The following GLP2R variants were observed in gnomAD, a reference collection of about 807,000 sequenced individuals.
GLP2R encodes glucagon like peptide 2 receptor, also known as glucagon-like peptide 2 receptor.
A neutral mutation model predicts 68.2 loss-of-function variants in GLP2R; 59 were observed. The ratio of observed to expected loss-of-function variants is 0.87; its 90% CI spans 0.70 to 1.07. GLP2R has a LOEUF of 1.07. Among genes scored for constraint, GLP2R ranks in the 50% least tolerant of loss-of-function variants. The pLI, the probability that GLP2R is intolerant of heterozygous loss-of-function variation, is 0.00. For missense variants in GLP2R, 548 were observed against 677.4 expected, an observed-to-expected ratio of 0.81 and a Z score of 2.12; for synonymous variants, 270 against 265.4, an observed-to-expected ratio of 1.02 and a Z score of -0.17.
At position 9,842,548 on chromosome 17, in the gene GLP2R, A is replaced by C; in HGVS notation, c.436A>C (p.Ile146Leu). ...CTTGGCTCAGGGGACTTGGCAGACG[A>C]TAGAGAACGCCACGGATATTTGGCA... ...HCLAQGTWQT[I>L]ENATDIWQDD... The change falls in exon 4 of 13, where the codon ATA (isoleucine) becomes CTA (leucine). Residue 146 changes from isoleucine to leucine, a missense_variant. By Grantham distance (5) the Ile-to-Leu change is conservative. Coordinates refer to ENST00000262441, the MANE Select transcript of GLP2R (RefSeq NM_004246.3). The C allele has an allele frequency of 6.2e-7, 1 of 1,614,044 alleles. No individual in the cohort carries two copies. The highest frequency in any genetic ancestry group is 8.5e-7 in the Non-Finnish European group (1 of 1,179,966).
chr17:9,868,917 G>C (rs116510367), intron 9 of GLP2R, among the ~76,000 whole-genome samples: 1 of 152,226 alleles, frequency 6.6e-6, no homozygotes, highest in East Asian at 1.9e-4. Flanking sequence ...AGGACACAAC[G>C]TTTTCTCTTT....
At chr17:9,856,620 C>T (rs1179534583) in intron 5 of GLP2R, among the ~76,000 whole-genome samples, 4 of 152,130 alleles carry the variant, frequency 2.6e-5, no homozygotes, top group Non-Finnish European at 2.9e-5. Context: ...CACAGATTAA[C>T]GGATTTAATC....
chr17:9,831,668 G>T (rs944709382), intron 1 of GLP2R, among the ~76,000 whole-genome samples: 15 of 152,200 alleles, frequency 9.9e-5, no homozygotes, highest in African/African-American at 3.6e-4. Context: ...GGATGGCTGA[G>T]ATGCTAAATC....
intron 9 of GLP2R, among the ~76,000 whole-genome samples, chr17:9,863,651 G>C (rs182921542): frequency 6.6e-6 from 1 of 152,122 alleles, no homozygotes; most frequent in Non-Finnish European, 1.5e-5. Flanking sequence ...CTGGTGATCT[G>C]TTCCTCATCT....
At chr17:9,831,851 G>A (rs2066682950) in intron 1 of GLP2R, among the ~76,000 whole-genome samples, 2 of 152,158 alleles carry the variant, frequency 1.3e-5, no homozygotes, top group South Asian at 4.1e-4. Flanking sequence ...GGGGTCGATG[G>A]AACCTGGACA....
intron 1 of GLP2R, among the ~76,000 whole-genome samples, chr17:9,827,334 T>C (rs943880072): frequency 6.6e-6 from 1 of 152,226 alleles, no homozygotes; most frequent in East Asian, 1.9e-4. Context: ...TCATATTTTC[T>C]CCTTCTGTGT....
chr17:9,875,053 T>C (rs1344247737), intron 10 of GLP2R, among the ~76,000 whole-genome samples: 1 of 152,168 alleles, frequency 6.6e-6, no homozygotes, highest in Non-Finnish European at 1.5e-5. Flanking sequence ...GCAATAGAGT[T>C]GATTAGCTAA....
chr17:9,857,595 G>C lies in GLP2R; in HGVS notation c.765+19G>C, dbSNP rs376287843. On this transcript the variant is annotated intron_variant, in intron 6 of 12. Coordinates refer to ENST00000262441, the MANE Select transcript of GLP2R (RefSeq NM_004246.3). ...GTCAGAGGTAATCCCCTTCCCCACTGTTTACACTGGACTCCCCACCTGATG... is the reference window on the plus strand; with the variant it reads ...GTCAGAGGTAATCCCCTTCCCCACTCTTTACACTGGACTCCCCACCTGATG... The C allele has an allele frequency of 6.2e-7, 1 of 1,613,148 alleles. No individual in the cohort carries two copies. The highest frequency in any genetic ancestry group is 2.2e-5 in the East Asian group (1 of 44,878).
At chr17:9,879,482 G>A (rs982970918) in intron 10 of GLP2R, among the ~76,000 whole-genome samples, 9 of 151,998 alleles carry the variant, frequency 5.9e-5, no homozygotes, top group African/African-American at 2.2e-4. Flanking sequence ...GGGTGACAGA[G>A]GGAGATCCTG....
chr17:9,860,152 G>A (rs1597391728), intron 7 of GLP2R, 51 bp downstream of exon 7: 1 of 1,490,776 alleles, frequency 6.7e-7, no homozygotes, highest in Non-Finnish European at 9.0e-7. Context: ...TCAAAATATG[G>A]GAGCCTGATA....
chr17:9,854,630 CG>C (rs774574563), intron 5 of GLP2R, 29 bp downstream of exon 5: 1 of 1,301,824 alleles, frequency 7.7e-7, no homozygotes, highest in Non-Finnish European at 1.1e-6. Context: ...GGCATGTGTT[CG>C]GGCAGGTATA....
intron 6 of GLP2R, among the ~76,000 whole-genome samples, chr17:9,859,068 C>T (rs937151669): frequency 2.0e-5 from 3 of 152,006 alleles, no homozygotes; most frequent in Admixed American, 2.0e-4. Flanking sequence ...AATTGATATT[C>T]AGCATTTTTC....
At chr17:9,863,311 T>G (rs1395019553) in intron 9 of GLP2R, among the ~76,000 whole-genome samples, 1 of 152,190 alleles carries the variant, frequency 6.6e-6, no homozygotes, top group African/African-American at 2.4e-5. Flanking sequence ...TTGTAAGTGC[T>G]TTGTGTATGA....
At chr17:9,884,686 T>G (rs931300113) in intron 11 of GLP2R, among the ~76,000 whole-genome samples, 12 of 152,192 alleles carry the variant, frequency 7.9e-5, no homozygotes, top group African/African-American at 2.9e-4. Flanking sequence ...GGACAATATT[T>G]TTTTCCCTCC....
chr17:9,833,279 G>GA (rs1280289255), intron 1 of GLP2R, among the ~76,000 whole-genome samples: 1 of 151,400 alleles, frequency 6.6e-6, no homozygotes, highest in African/African-American at 2.4e-5. Context: ...AAAAAAGAAA[G>GA]AAAGAAAGAA....
chr17:9,869,543 G>C (rs1281347676), intron 9 of GLP2R, among the ~76,000 whole-genome samples: 1 of 152,240 alleles, frequency 6.6e-6, no homozygotes, highest in East Asian at 1.9e-4. Flanking sequence ...GGCAGCCAGG[G>C]CCGCAGCCAT....
chr17:9,870,927 C>T, intron 10 of GLP2R, 92 bp downstream of exon 10: 1 of 730,964 alleles, frequency 1.4e-6, no homozygotes, highest in Non-Finnish European at 2.5e-6. Flanking sequence ...CATTTATCTC[C>T]TAAGGCCAGG....
chr17:9,831,819 A>G (rs1280748510), intron 1 of GLP2R, among the ~76,000 whole-genome samples: 3 of 152,168 alleles, frequency 2.0e-5, no homozygotes, highest in Non-Finnish European at 4.4e-5. Flanking sequence ...ACAGGGTTGG[A>G]CAGGAGAGAC....
intron 2 of GLP2R, among the ~76,000 whole-genome samples, chr17:9,835,984 A>G (rs1205138247): frequency 6.9e-6 from 1 of 145,662 alleles, no homozygotes; most frequent in Non-Finnish European, 1.5e-5. Flanking sequence ...GGTTGCAGTG[A>G]GCTGAGATCA....
Sources: allele counts gnomAD v4.1 joint callset (sites outside exome capture counted in the v4.1 genomes callset), GRCh38; gene constraint gnomAD v4.1.1; transcripts MANE v1.5; gene names NCBI Gene and HGNC (gene_info 2026-07-23, HGNC 2026-07-21).